Variants in BTBD9 observed in about 807,000 individuals in gnomAD.
BTBD9 encodes BTB/POZ domain-containing protein 9.
In BTBD9, 49 loss-of-function variants were observed where a neutral mutation model predicts 64.3. The observed-to-expected ratio is 0.76, with a 90% CI of 0.61 to 0.97. The LOEUF (loss-of-function observed/expected upper bound fraction) is 0.97. Ranked by LOEUF, BTBD9 falls within the 50% of genes least tolerant of loss-of-function variation. The pLI is 0.00. For missense variants in BTBD9, 598 were observed against 762.1 expected, an observed-to-expected ratio of 0.78 and a Z score of 2.53; for synonymous variants, 260 against 274.7, an observed-to-expected ratio of 0.95 and a Z score of 0.53.
rs189968134 is a variant in BTBD9 at position 38,524,038 on chromosome 6, T to A, written c.1154+53562A>T. ...ATTATTAGGTTACAGGACATACTTA[T>A]GTCTTTTCTCCCCAATTAGAGAAAT... On this transcript the variant is annotated intron_variant, in intron 6 of 10. Coordinates refer to ENST00000481247, the MANE Select transcript of BTBD9 (RefSeq NM_001099272.2). Among the ~76,000 whole-genome samples the A allele has an allele frequency of 1.1e-3, 164 of 152,344 alleles. 5 individuals carry two copies. The highest frequency in any genetic ancestry group is 9.3e-3 in the Admixed American group (143 of 15,296).
At chr6:38,176,936 G>A (rs981441604) in intron 10 of BTBD9, among the ~76,000 whole-genome samples, 1 of 152,134 alleles carries the variant, frequency 6.6e-6, no homozygotes. Context: ...GTGCAGTCCC[G>A]GTCCTCAACA....
In BTBD9 at chr6:38,266,605, G is replaced by GGAAAGAAAGAAAGAAA. The variant is rs200322291; in HGVS notation, c.1455-10105_1455-10090dup. ...AAAGAAAGGAAAGAAAGGAAAGAAA[G>GGAAAGAAAGAAAGAAA]GAAAGAAAGAAAGAAAGAAAGAAAG... is the stretch of plus-strand genomic sequence containing the variant. On this transcript the variant is annotated intron_variant, in intron 8 of 10. Coordinates refer to ENST00000481247, the MANE Select transcript of BTBD9 (RefSeq NM_001099272.2). 7.5e-4 allele frequency among the ~76,000 whole-genome samples: 80 copies of GGAAAGAAAGAAAGAAA among 107,292 alleles called. 2 individuals carry two copies. The highest frequency in any genetic ancestry group is 2.6e-3 in the East Asian group (9 of 3,468). The allele number at this position is 107,292 out of a possible 152,430, so 70.4% of individuals were successfully genotyped here.
intron 4 of BTBD9, among the ~76,000 whole-genome samples, chr6:38,582,791 TG>T (rs1776353150): frequency 6.6e-6 from 1 of 152,232 alleles, no homozygotes; most frequent in Admixed American, 6.5e-5. Flanking sequence ...AAGAATACTT[TG>T]TCCAACTGAC....
At chr6:38,321,679 A>C (rs1763237921) in intron 7 of BTBD9, among the ~76,000 whole-genome samples, 1 of 152,194 alleles carries the variant, frequency 6.6e-6, no homozygotes, top group South Asian at 2.1e-4. Flanking sequence ...CTTAGACAAG[A>C]AAATGATGAT....
intron 9 of BTBD9, among the ~76,000 whole-genome samples, chr6:38,209,004 G>A (rs1762746067): frequency 6.6e-6 from 1 of 152,144 alleles, no homozygotes; most frequent in South Asian, 2.1e-4. Context: ...ATACCTTGCT[G>A]GTTTCCTGAG....
intron 6 of BTBD9, among the ~76,000 whole-genome samples, chr6:38,511,468 G>A (rs554208529): frequency 9.4e-4 from 141 of 149,906 alleles, no homozygotes; most frequent in African/African-American, 1.9e-3. Context: ...TCAGCCTCCC[G>A]AGTAGCTGGG....
chr6:38,447,992 C>T (rs748576695), intron 6 of BTBD9, among the ~76,000 whole-genome samples: 1 of 152,188 alleles, frequency 6.6e-6, no homozygotes, highest in Non-Finnish European at 1.5e-5. Flanking sequence ...ACATAACTCT[C>T]CAAAAGGCAA....
intron 6 of BTBD9, among the ~76,000 whole-genome samples, chr6:38,454,017 T>A (rs568732690): frequency 6.6e-6 from 1 of 152,232 alleles, no homozygotes; most frequent in East Asian, 1.9e-4. Context: ...GAAAAATAAA[T>A]GCTAGGAAGT....
In BTBD9 at chr6:38,172,050, GC is replaced by G. The variant is rs1179658896; in HGVS notation, c.*2934del. ...CCAGGCCACAGGCACCCACCTGTCAGCCTCACCTGCCACCTCTCTCCATGTT... is the reference window on the plus strand; with the variant it reads ...CCAGGCCACAGGCACCCACCTGTCAGCTCACCTGCCACCTCTCTCCATGTT... On this transcript the variant is annotated 3_prime_UTR_variant, in exon 11 of 11. Transcript: ENST00000481247. 2 of 152,146 alleles carry G rather than the reference GC, an allele frequency of 1.3e-5. No homozygotes were observed. Among genetic ancestry groups the G allele is most frequent in the Non-Finnish European group, 2.9e-5 (2 of 68,116 alleles). 9.4% of individuals were successfully genotyped at this position (152,146 alleles called of 1,614,324 possible).
intron 6 of BTBD9, among the ~76,000 whole-genome samples, chr6:38,399,629 A>C (rs997003499): frequency 1.6e-5 from 2 of 123,978 alleles, no homozygotes; most frequent in Non-Finnish European, 3.1e-5. Flanking sequence ...TAAGTAAAAC[A>C]ACCTAGATTT....
chr6:38,423,640 C>T (rs1768011346), intron 6 of BTBD9, among the ~76,000 whole-genome samples: 1 of 152,128 alleles, frequency 6.6e-6, no homozygotes, highest in Non-Finnish European at 1.5e-5. Context: ...GACCAAAGGA[C>T]ACAAATATTA....
At chr6:38,176,762 A>G (rs572387068) in intron 10 of BTBD9, among the ~76,000 whole-genome samples, 8 of 152,270 alleles carry the variant, frequency 5.3e-5, no homozygotes, top group African/African-American at 1.9e-4. Flanking sequence ...GGTGACAACC[A>G]TTAATCCACT....
chr6:38,221,568 C>A (rs1006009880), intron 9 of BTBD9, among the ~76,000 whole-genome samples: 14 of 152,172 alleles, frequency 9.2e-5, no homozygotes, highest in African/African-American at 2.9e-4. Context: ...ATAATTTTGC[C>A]AGGGGAAACC....
chr6:38,488,962 C>A (rs1771578316), intron 6 of BTBD9, among the ~76,000 whole-genome samples: 1 of 149,604 alleles, frequency 6.7e-6, no homozygotes, highest in Non-Finnish European at 1.5e-5. Flanking sequence ...GTGGCATGAT[C>A]AGGGCTCACT....
At chr6:38,434,804 G>GAT (rs1768633693) in intron 6 of BTBD9, among the ~76,000 whole-genome samples, 1 of 151,968 alleles carries the variant, frequency 6.6e-6, no homozygotes, top group South Asian at 2.1e-4. Flanking sequence ...TATATAGACA[G>GAT]ATATATGTAT....
chr6:38,545,855 T>TATACACAC (rs1554168080), intron 6 of BTBD9, among the ~76,000 whole-genome samples: 1 of 130,594 alleles, frequency 7.7e-6, no homozygotes, highest in Non-Finnish European at 1.6e-5. Context: ...CACACACACA[T>TATACACAC]ACACACACAC....
intron 6 of BTBD9, among the ~76,000 whole-genome samples, chr6:38,515,079 G>C (rs537135296): frequency 2.0e-5 from 3 of 151,594 alleles, no homozygotes; most frequent in Non-Finnish European, 4.4e-5. Flanking sequence ...GTCCAGTTGT[G>C]CCTGGAAAAA....
At chr6:38,481,295 T>G (rs1156926206) in intron 6 of BTBD9, among the ~76,000 whole-genome samples, 5 of 152,134 alleles carry the variant, frequency 3.3e-5, no homozygotes. Flanking sequence ...TTAATTCCTT[T>G]CTGAATGAGA....
At chr6:38,621,574 C>A (rs1205271595) in intron 1 of BTBD9, among the ~76,000 whole-genome samples, 1 of 152,172 alleles carries the variant, frequency 6.6e-6, no homozygotes, top group African/African-American at 2.4e-5. Flanking sequence ...GGTGCTTACC[C>A]AAGCCTTAGA....
Sources: allele counts gnomAD v4.1 joint callset (sites outside exome capture counted in the v4.1 genomes callset), GRCh38; gene constraint gnomAD v4.1.1; transcripts MANE v1.5; gene names NCBI Gene and HGNC (gene_info 2026-07-23, HGNC 2026-07-21).